BZW2: variants seen among roughly 807,000 people sequenced by gnomAD.
BZW2 encodes the protein basic leucine zipper and W2 domains 2.
In BZW2, 23 loss-of-function variants were observed where a neutral mutation model predicts 53.2. That is an observed-to-expected ratio of 0.43 (90% CI 0.31 to 0.61). BZW2 has a LOEUF of 0.61. BZW2 is among the 20% of genes least tolerant of loss of function. The pLI is 0.09. For synonymous variants in BZW2, 227 were observed against 186.4 expected, an observed-to-expected ratio of 1.22 and a Z score of -1.77; for missense variants, 409 against 503.1, an observed-to-expected ratio of 0.81 and a Z score of 1.79.
chr7:16,686,295 C>G lies in BZW2; in HGVS notation c.541+255C>G, dbSNP rs1206638114. The G allele has an allele frequency of 9.6e-6, 4 of 414,800 alleles. No individual in the cohort carries two copies. The East Asian group carries it at 2.0e-4, about 21-fold the overall frequency. The allele number at this position is 414,800 out of a possible 1,614,324, so 25.7% of individuals were successfully genotyped here. Reference sequence around the variant, plus strand: ...AGAAAGACTAATAGCAAATTAAAATCTCATGGAAGACTTGATGCCTAGGTC... The same window carrying G: ...AGAAAGACTAATAGCAAATTAAAATGTCATGGAAGACTTGATGCCTAGGTC... On this transcript the variant is annotated intron_variant, in intron 6 of 11. Coordinates refer to ENST00000258761, the MANE Select transcript of BZW2 (RefSeq NM_014038.3).
intron 3 of BZW2, among the ~76,000 whole-genome samples, 200 bp from the exon 4 acceptor site, chr7:16,681,101 C>T (rs1321325638): frequency 6.6e-6 from 1 of 151,978 alleles, no homozygotes; most frequent in African/African-American, 2.4e-5. Context: ...CAGAGTGTGA[C>T]TCCATCTCAA....
chr7:16,664,286 A>G (rs1453132169), intron 1 of BZW2, among the ~76,000 whole-genome samples: 1 of 152,270 alleles, frequency 6.6e-6, no homozygotes, highest in Non-Finnish European at 1.5e-5. Flanking sequence ...TATAGACCCC[A>G]GACAAAGAGA....
chr7:16,672,277 T>G (rs928401873), intron 2 of BZW2, among the ~76,000 whole-genome samples: 5 of 152,184 alleles, frequency 3.3e-5, no homozygotes, highest in Non-Finnish European at 7.3e-5. Context: ...TCTCATTCTG[T>G]CTATTCGATG....
intron 2 of BZW2, among the ~76,000 whole-genome samples, chr7:16,668,095 T>C (rs1036534809): frequency 4.6e-5 from 7 of 152,236 alleles, no homozygotes; most frequent in Non-Finnish European, 8.8e-5. Context: ...TGCCCAGCTA[T>C]GAGGCACAGA....
intron 2 of BZW2, among the ~76,000 whole-genome samples, chr7:16,672,297 G>T (rs2128357460): frequency 6.6e-6 from 1 of 151,956 alleles, no homozygotes; most frequent in African/African-American, 2.4e-5. Flanking sequence ...GTATTTTTTT[G>T]GATATTTGAC....
At chr7:16,697,931 C>A in intron 9 of BZW2, 117 bp from the exon 10 acceptor site, 1 of 1,284,090 alleles carries the variant, frequency 7.8e-7, no homozygotes, top group Non-Finnish European at 1.1e-6. Flanking sequence ...TAAAAGGTGT[C>A]AATCCTGAAA....
intron 2 of BZW2, among the ~76,000 whole-genome samples, chr7:16,666,120 G>A (rs947635426): frequency 1.3e-5 from 2 of 151,830 alleles, no homozygotes; most frequent in African/African-American, 4.8e-5. Flanking sequence ...TTAGAGACAG[G>A]GTCTTGCACT....
At chr7:16,676,860 A>G (rs531083827) in intron 3 of BZW2, among the ~76,000 whole-genome samples, 4 of 151,340 alleles carry the variant, frequency 2.6e-5, no homozygotes, top group Non-Finnish European at 4.4e-5. Context: ...TCATTCTTGA[A>G]CTCTTTTATT....
intron 10 of BZW2, among the ~76,000 whole-genome samples, chr7:16,702,560 G>T (rs1028973112): frequency 6.6e-6 from 1 of 152,120 alleles, no homozygotes; most frequent in South Asian, 2.1e-4. Flanking sequence ...ATCATTTAGT[G>T]TGCTTTTCAC....
chr7:16,686,170 G>A (rs759148231), intron 6 of BZW2, 130 bp downstream of exon 6: 120 of 1,375,272 alleles, frequency 8.7e-5, no homozygotes, highest in Non-Finnish European at 1.1e-4. Context: ...GAATATCTTT[G>A]TATGGGTGTA....
At chr7:16,692,400 C>G (rs951795226) in intron 7 of BZW2, among the ~76,000 whole-genome samples, 3 of 151,988 alleles carry the variant, frequency 2.0e-5, no homozygotes, top group Non-Finnish European at 4.4e-5. Context: ...CTTCATGAAG[C>G]TTATATTCTA....
At chr7:16,671,667 A>G (rs1267819939) in intron 2 of BZW2, among the ~76,000 whole-genome samples, 1 of 152,182 alleles carries the variant, frequency 6.6e-6, no homozygotes, top group Admixed American at 6.5e-5. Flanking sequence ...ACAGTGGCTC[A>G]TGCCTGTAAT....
intron 2 of BZW2, among the ~76,000 whole-genome samples, chr7:16,673,048 T>C (rs950363234): frequency 1.3e-5 from 2 of 151,906 alleles, no homozygotes; most frequent in Non-Finnish European, 2.9e-5. Flanking sequence ...CGGGTTCAAG[T>C]GATTCTCCTG....
At chr7:16,677,051 C>CT (rs10660587) in intron 3 of BZW2, among the ~76,000 whole-genome samples, 2,726 of 130,014 alleles carry the variant, frequency 0.021, 72 homozygotes, top group African/African-American at 0.055. Flanking sequence ...GCCCAGATTT[C>CT]TTTTTTTTTT....
chr7:16,649,368 A>G (rs566091972), intron 1 of BZW2, among the ~76,000 whole-genome samples: 24 of 152,332 alleles, frequency 1.6e-4, no homozygotes, highest in African/African-American at 5.3e-4. Flanking sequence ...CTTCCTGGCA[A>G]TGTGAGGTGA....
chr7:16,653,657 G>C (rs1168008516), intron 1 of BZW2, among the ~76,000 whole-genome samples: 1 of 152,132 alleles, frequency 6.6e-6, no homozygotes, highest in East Asian at 1.9e-4. Flanking sequence ...CACTTTTCTG[G>C]AGGAAGGAAC....
At chr7:16,669,779 T>C (rs543469183) in intron 2 of BZW2, among the ~76,000 whole-genome samples, 1 of 152,318 alleles carries the variant, frequency 6.6e-6, no homozygotes, top group African/African-American at 2.4e-5. Context: ...AGGGCTATGA[T>C]GACTAACTCT....
At chr7:16,656,242 A>T (rs1405354261) in intron 1 of BZW2, among the ~76,000 whole-genome samples, 2 of 151,886 alleles carry the variant, frequency 1.3e-5, no homozygotes, top group Non-Finnish European at 2.9e-5. Context: ...CAGTTCTTCA[A>T]CCTTTGTTTT....
chr7:16,688,450 C>T (rs1206175437), intron 6 of BZW2: 1 of 152,184 alleles, frequency 6.6e-6, no homozygotes, highest in Non-Finnish European at 1.5e-5. Flanking sequence ...TAGTGCAGGT[C>T]CAGTAGCAAT....
Sources: allele counts gnomAD v4.1 joint callset (sites outside exome capture counted in the v4.1 genomes callset), GRCh38; gene constraint gnomAD v4.1.1; transcripts MANE v1.5; gene names NCBI Gene and HGNC (gene_info 2026-07-23, HGNC 2026-07-21).